Variants in RGS11 observed in about 807,000 individuals in gnomAD.
The protein encoded by RGS11 is regulator of G-protein signaling 11.
RGS11 carries 86 observed loss-of-function variants against 71.1 expected under a neutral mutation model. That is an observed-to-expected ratio of 1.21 (90% CI 1.02 to 1.45). The LOEUF (loss-of-function observed/expected upper bound fraction) is 1.45. Among genes scored for constraint, RGS11 ranks in the 40% most tolerant of loss-of-function variants. RGS11 has a pLI of 0.00. For synonymous variants in RGS11, 298 were observed against 254.2 expected, an observed-to-expected ratio of 1.17 and a Z score of -1.64; for missense variants, 734 against 635.1, an observed-to-expected ratio of 1.16 and a Z score of -1.67.
In RGS11 at chr16:271,696, C is replaced by A; in HGVS notation, c.658-127G>T. On this transcript the variant is annotated intron_variant, in intron 9 of 16. Coordinates refer to ENST00000397770, the MANE Select transcript of RGS11 (RefSeq NM_183337.3). ...GATCTGGCAGAGATGGTGGCCCAGG[C>A]CCCCAGTCCCGCCCCTTGGAGCCCC... 6.9e-6 allele frequency: 6 copies of A among 875,526 alleles called. No individual in the cohort carries two copies. The East Asian group carries it at 1.0e-4, about 15-fold the overall frequency. 54.2% of individuals were successfully genotyped at this position (875,526 alleles called of 1,614,324 possible).
At position 274,027 on chromosome 16, in the gene RGS11, G is replaced by C. The variant is rs776130396; in HGVS notation, c.429+16C>G. Reference sequence around the variant, plus strand: ...CAGCTGTACCCAGCCGGGGCGGGAAGGGTGGGGGGTCCCACCTTCTCATAA... The same window carrying C: ...CAGCTGTACCCAGCCGGGGCGGGAACGGTGGGGGGTCCCACCTTCTCATAA... On this transcript the variant is annotated intron_variant, in intron 6 of 16. Coordinates refer to ENST00000397770, the MANE Select transcript of RGS11 (RefSeq NM_183337.3). 1 of 1,532,464 alleles carries C rather than the reference G, an allele frequency of 6.5e-7. No homozygotes were observed. The highest frequency in any genetic ancestry group is 8.8e-7 in the Non-Finnish European group (1 of 1,142,370). 94.9% of individuals were successfully genotyped at this position (1,532,464 alleles called of 1,614,324 possible). A position where few individuals can be genotyped will look rare whatever the true frequency, so the allele number is the denominator to read the frequency against.
chr16:275,338 A>G lies in RGS11; in HGVS notation c.161-5T>C. ...ACCACTGCACGACGTCGCTGCCTGC[A>G]CGGGAGAGACAGAGGTGGAGGGAGG... On this transcript the variant is annotated splice_region_variant and splice_polypyrimidine_tract_variant and intron_variant, in intron 2 of 16. Transcript: ENST00000397770. 1 of 1,612,176 alleles carries G rather than the reference A, an allele frequency of 6.2e-7. No homozygotes were observed. The highest frequency in any genetic ancestry group is 8.5e-7 in the Non-Finnish European group (1 of 1,179,792).
chr16:275,550 C>G (rs1355222940), intron 1 of RGS11, 52 bp from the exon 2 acceptor site: 2 of 1,415,004 alleles, frequency 1.4e-6, no homozygotes, highest in South Asian at 2.4e-5. Context: ...AACCCTGATT[C>G]CCTGGCACCG....
chr16:270,835 G>T lies in RGS11; in HGVS notation c.980-4C>A. On this transcript the variant is annotated splice_region_variant and splice_polypyrimidine_tract_variant and intron_variant, in intron 13 of 16. Coordinates refer to ENST00000397770, the MANE Select transcript of RGS11 (RefSeq NM_183337.3). ...TCCCAGAAGCTGAGGTTTTCTCCTG[G>T]GGGGCCGGGCACCCAGTCAAGGATC... The T allele has an allele frequency of 6.2e-7, 1 of 1,609,710 alleles. No homozygotes were observed. The highest frequency in any genetic ancestry group is 8.5e-7 in the Non-Finnish European group (1 of 1,178,730).
chr16:273,510 G>T lies in RGS11; in HGVS notation c.553C>A (p.Gln185Lys), dbSNP rs1313619055. ...SKGDRLVIAC[Q>K]EQTYWLVNRP... Reference sequence around the variant, plus strand: ...TTCACCAGCCAGTAGGTCTGCTCCTGGCACGCAATGACCAGCCTGTCCCCC... The same window carrying T: ...TTCACCAGCCAGTAGGTCTGCTCCTTGCACGCAATGACCAGCCTGTCCCCC... The change falls in exon 8 of 17, where the codon CAG (glutamine) becomes AAG (lysine). Residue 185 changes from glutamine (Q) to lysine (K), a missense_variant. Gln to Lys is a moderately conservative substitution (Grantham distance 53). Transcript: ENST00000397770. 10 of 1,556,614 alleles carry T rather than the reference G, an allele frequency of 6.4e-6. No individual in the cohort carries two copies. The highest frequency in any genetic ancestry group is 1.4e-5 in the African/African-American group (1 of 73,674).
chr16:271,883 C>T, intron 9 of RGS11: 1 of 428,684 alleles, frequency 2.3e-6, no homozygotes, highest in South Asian at 2.5e-5. Context: ...GTTTCCCAGG[C>T]TGGAGTGCAG....
Position 274,095 on chromosome 16 carries a change from T to G in RGS11, c.377A>C (p.Tyr126Ser). The change falls in exon 6 of 17, where the codon TAC becomes TCC. Residue 126 changes from tyrosine (Y) to serine (S), a missense_variant. Tyr to Ser is a moderately radical substitution (Grantham distance 144, BLOSUM62 -2). Coordinates refer to ENST00000397770, the MANE Select transcript of RGS11 (RefSeq NM_183337.3). Reference sequence around the variant, plus strand: ...TTTTCGGATGTTCTTCTTGGCCAGGTAGATGGCTGGAAGAACAGGGACAGC... The same window carrying G: ...TTTTCGGATGTTCTTCTTGGCCAGGGAGATGGCTGGAAGAACAGGGACAGC... Reference protein sequence around the residue: ...RPAAELDYAIYLAKKNIRKRG... With the variant: ...RPAAELDYAISLAKKNIRKRG... 6.4e-7 allele frequency: 1 copy of G among 1,552,626 alleles called. No individual in the cohort carries two copies. Among genetic ancestry groups the G allele is most frequent in the Non-Finnish European group, 8.7e-7 (1 of 1,147,970 alleles).
At chr16:274,444 C>G (rs1419294871) in intron 4 of RGS11, 179 bp from the exon 5 acceptor site, 3 of 643,360 alleles carry the variant, frequency 4.7e-6, no homozygotes, top group Non-Finnish European at 8.1e-6. Flanking sequence ...CCAACTAGAA[C>G]TGAGGTCAAC....
At chr16:274,182 A>T (rs932534640) in intron 5 of RGS11, 32 bp downstream of exon 5, 1 of 1,600,924 alleles carries the variant, frequency 6.2e-7, no homozygotes. Context: ...AGTCCTGGGA[A>T]CTTGTCTGGG....
Position 269,580 on chromosome 16 carries a change from G to A in RGS11, c.1212C>T (p.Ser404=). ...TGTCAGACTTCAGGAACCTTGGGTA[G>A]GAGTCCTACAAGAGACAGCGTCCAG... ...LHIYMLMKKD[S]YPRFLKSDMY... is the part of the protein sequence containing the mutation. The change falls in exon 16 of 17, where the codon TCC becomes TCT. Residue 404 remains serine (S), a synonymous_variant. Transcript: ENST00000397770. 5 of 1,612,858 alleles carry A rather than the reference G, an allele frequency of 3.1e-6. No homozygotes were observed. The highest frequency in any genetic ancestry group is 3.4e-6 in the Non-Finnish European group (4 of 1,179,500).
Position 269,240 on chromosome 16 carries a change from G to A in RGS11, c.*29C>T, listed in dbSNP as rs771290246. The stretch of plus-strand genomic sequence containing the variant: ...ATTCACGCAGGACGTTGAGCTGCAG[G>A]GACTAGAGTGGCAGATGGGCCAGGT... On this transcript the variant is annotated 3_prime_UTR_variant, in exon 17 of 17. Coordinates refer to ENST00000397770, the MANE Select transcript of RGS11 (RefSeq NM_183337.3). The A allele has an allele frequency of 1.6e-5, 23 of 1,445,180 alleles. No homozygotes were observed. Among genetic ancestry groups the A allele is most frequent in the Non-Finnish European group, 2.2e-5 (23 of 1,050,866 alleles). 89.5% of individuals were successfully genotyped at this position (1,445,180 alleles called of 1,614,324 possible).
intron 16 of RGS11, 32 bp from the exon 17 acceptor site, chr16:269,415 G>T: frequency 6.3e-7 from 1 of 1,591,286 alleles, no homozygotes. Context: ...AGAACAGGCT[G>T]GCCAGCTGGT....
At position 274,258 on chromosome 16, in the gene RGS11, T is replaced by C; in HGVS notation, c.326A>G (p.Tyr109Cys). Residue 109 changes from tyrosine to cysteine, a missense_variant, in exon 5 of 17, where the codon TAC becomes TGC. Transcript: ENST00000397770. ...DETPYRFQTP[Y>C]FWTSTLRPAA... ...CGGCCTCAGGGTACTTGTCCAGAAGTACGGGGTCTGGCGTGGTGCAGGGAG... is the reference window on the plus strand; with the variant it reads ...CGGCCTCAGGGTACTTGTCCAGAAGCACGGGGTCTGGCGTGGTGCAGGGAG... 1 of 1,610,816 alleles carries C rather than the reference T, an allele frequency of 6.2e-7. No individual in the cohort carries two copies. Among genetic ancestry groups the C allele is most frequent in the South Asian group, 1.1e-5 (1 of 90,432 alleles).
intron 4 of RGS11, 71 bp from the exon 5 acceptor site, chr16:274,336 G>A: frequency 6.6e-7 from 1 of 1,513,466 alleles, no homozygotes; most frequent in Non-Finnish European, 9.0e-7. Flanking sequence ...CCCACCCTCA[G>A]ACCTCCCTGG....
At position 274,360 on chromosome 16, in the gene RGS11, C is replaced by T; in HGVS notation, c.319-95G>A. ...AGACCTCCCTGGGAAGAAGCCTGGG[C>T]TGGGCAGGAGGTGTCTGAGGATCTC... is the stretch of plus-strand genomic sequence containing the variant. On this transcript the variant is annotated intron_variant, in intron 4 of 16. Coordinates refer to ENST00000397770, the MANE Select transcript of RGS11 (RefSeq NM_183337.3). 3.6e-6 allele frequency: 5 copies of T among 1,389,830 alleles called. No individual in the cohort carries two copies. In the South Asian group the frequency reaches 3.8e-5, roughly 11 times the overall value. 86.1% of individuals were successfully genotyped at this position (1,389,830 alleles called of 1,614,324 possible).
chr16:269,515 T>C lies in RGS11; in HGVS notation c.1277A>G (p.Glu426Gly), dbSNP rs1350634954. 6.2e-7 allele frequency: 1 copy of C among 1,612,990 alleles called. No homozygotes were observed. The highest frequency in any genetic ancestry group is 2.2e-5 in the East Asian group (1 of 44,888). The change falls in exon 16 of 17, where the codon GAG (glutamate) becomes GGG (glycine). Residue 426 changes from glutamate to glycine, a missense_variant. Transcript: ENST00000397770. ...ALLAEAGIPL[E>G]MKRRVFPFTW... ...TGCCTGGGCTCACCGTCTCTTCATCTCCAGCGGGATCCCAGCCTCTGCCAG... is the reference window on the plus strand; with the variant it reads ...TGCCTGGGCTCACCGTCTCTTCATCCCCAGCGGGATCCCAGCCTCTGCCAG...
chr16:269,755 G>A (rs942325851), intron 15 of RGS11, 170 bp from the exon 16 acceptor site: 15 of 585,754 alleles, frequency 2.6e-5, no homozygotes, highest in Middle Eastern at 2.9e-4. Context: ...GGCAGACGCA[G>A]GGAGACCTGG....
Position 268,599 on chromosome 16 carries a change from T to C in RGS11, c.*670A>G. 1.6e-6 allele frequency: 1 copy of C among 637,130 alleles called. No individual in the cohort carries two copies. Among genetic ancestry groups the C allele is most frequent in the East Asian group, 2.7e-5 (1 of 36,484 alleles). 39.5% of individuals were successfully genotyped at this position (637,130 alleles called of 1,614,324 possible). ...TCGGGCCTCGTCAGTGGGGTGACAATGTCAGAGTTGTCTATAAATCGGGGG... is the reference window on the plus strand; with the variant it reads ...TCGGGCCTCGTCAGTGGGGTGACAACGTCAGAGTTGTCTATAAATCGGGGG... On this transcript the variant is annotated 3_prime_UTR_variant, in exon 17 of 17. Coordinates refer to ENST00000397770, the MANE Select transcript of RGS11 (RefSeq NM_183337.3).
At position 274,021 on chromosome 16, in the gene RGS11, C is replaced by T. The variant is rs745958350; in HGVS notation, c.429+22G>A. 40 of 1,379,168 alleles carry T rather than the reference C, an allele frequency of 2.9e-5. 1 individual carries two copies. In the Admixed American group the frequency reaches 6.5e-4, roughly 22 times the overall value. The allele number at this position is 1,379,168 out of a possible 1,614,324, so 85.4% of individuals were successfully genotyped here. ...TTCCTCCAGCTGTACCCAGCCGGGG[C>T]GGGAAGGGTGGGGGGTCCCACCTTC... On this transcript the variant is annotated intron_variant, in intron 6 of 16. Transcript: ENST00000397770.
Sources: allele counts gnomAD v4.1 joint callset, GRCh38; gene constraint gnomAD v4.1.1; transcripts MANE v1.5; gene names NCBI Gene and HGNC (gene_info 2026-07-23, HGNC 2026-07-21).